RBFOX1: variants seen among roughly 807,000 people sequenced by gnomAD.
RBFOX1 encodes the protein RNA binding fox-1 homolog 1.
A neutral mutation model predicts 57.7 loss-of-function variants in RBFOX1; 8 were observed. The ratio of observed to expected loss-of-function variants is 0.14; its 90% CI spans 0.08 to 0.25. The LOEUF (loss-of-function observed/expected upper bound fraction) is 0.25, where lower values mean the gene tolerates loss of function less well. Ranked by LOEUF, RBFOX1 falls within the 10% of genes least tolerant of loss-of-function variation. The pLI, the probability that RBFOX1 is intolerant of heterozygous loss-of-function variation, is 1.00. For missense variants in RBFOX1, 611 were observed against 548.5 expected, an observed-to-expected ratio of 1.11 and a Z score of -1.14; for synonymous variants, 326 against 222.4, an observed-to-expected ratio of 1.47 and a Z score of -4.15.
At position 6,480,489 on chromosome 16, in the gene RBFOX1, C is replaced by T. The variant is rs148633636; in HGVS notation, c.-64+163432C>T. 2.3e-3 allele frequency among the ~76,000 whole-genome samples: 353 copies of T among 152,220 alleles called. 1 individual carries two copies. Among genetic ancestry groups the T allele is most frequent in the African/African-American group, 7.3e-3 (304 of 41,536 alleles). ...AATTTCCTACATTTTTTACACATCA[C>T]GAAATATTATTCTTCTTTTGACTTT... On this transcript the variant is annotated intron_variant, in intron 2 of 15. Coordinates refer to ENST00000550418, the MANE Select transcript of RBFOX1 (RefSeq NM_018723.4).
At chr16:7,361,129 C>A (rs528742208) in intron 4 of RBFOX1, among the ~76,000 whole-genome samples, 2 of 152,274 alleles carry the variant, frequency 1.3e-5, no homozygotes, top group Admixed American at 1.3e-4. Context: ...AAAGTGGACA[C>A]CTTCCTCCAC....
In RBFOX1 at chr16:7,605,788, C is replaced by T. The variant is rs73488684; in HGVS notation, c.623-1497C>T. The stretch of plus-strand genomic sequence containing the variant: ...AGGACCTTTGGTATTTGGCCTTCTG[C>T]TCAAGGACTCAGAGCAAAGGACTAC... On this transcript the variant is annotated intron_variant, in intron 9 of 15. Coordinates refer to ENST00000550418, the MANE Select transcript of RBFOX1 (RefSeq NM_018723.4). 5.7e-3 allele frequency among the ~76,000 whole-genome samples: 870 copies of T among 152,250 alleles called. 9 individuals carry two copies. The highest frequency in any genetic ancestry group is 0.02 in the African/African-American group (816 of 41,524).
At chr16:5,593,406 G>A (rs113253783) in intron 2 of RBFOX1, among the ~76,000 whole-genome samples, 1,878 of 152,136 alleles carry the variant, frequency 0.012, 18 homozygotes, top group African/African-American at 0.03. Flanking sequence ...TGGGTTGATG[G>A]GTGCAGCAAA....
chr16:5,387,091 A>G (rs1322298802), intron 1 of RBFOX1, among the ~76,000 whole-genome samples: 2 of 152,188 alleles, frequency 1.3e-5, no homozygotes, highest in Non-Finnish European at 2.9e-5. Flanking sequence ...TTGCATTACT[A>G]CTTGTATTAC....
intron 14 of RBFOX1, among the ~76,000 whole-genome samples, chr16:7,683,376 T>C (rs967784986): frequency 3.3e-5 from 5 of 151,546 alleles, no homozygotes; most frequent in African/African-American, 1.2e-4. Context: ...TGTTCAACTT[T>C]CTCTCTCAAG....
chr16:6,366,288 T>C (rs951382257), intron 2 of RBFOX1, among the ~76,000 whole-genome samples: 3 of 152,194 alleles, frequency 2.0e-5, no homozygotes, highest in Non-Finnish European at 4.4e-5. Context: ...TTTTGACAGA[T>C]GTTCTAAACT....
At position 7,535,999 on chromosome 16, in the gene RBFOX1, A is replaced by G. The variant is rs957973042; in HGVS notation, c.270+17610A>G. 1.4e-4 allele frequency among the ~76,000 whole-genome samples: 21 copies of G among 152,354 alleles called. No homozygotes were observed. In the East Asian group the frequency reaches 3.1e-3, roughly 22 times the overall value. On this transcript the variant is annotated intron_variant, in intron 5 of 15. Transcript: ENST00000550418. ...TAAGACAGACATAGCTTCTCCTTCA[A>G]GGAATGTACAGTCTACCGTAACACA...
At chr16:6,771,834 G>T (rs1227993596) in intron 3 of RBFOX1, among the ~76,000 whole-genome samples, 1 of 152,136 alleles carries the variant, frequency 6.6e-6, no homozygotes, top group East Asian at 1.9e-4. Flanking sequence ...GAGAGTTCCT[G>T]ATGGGGCAGA....
chr16:6,643,875 C>G (rs1717927954), intron 2 of RBFOX1, among the ~76,000 whole-genome samples: 1 of 152,076 alleles, frequency 6.6e-6, no homozygotes, highest in Non-Finnish European at 1.5e-5. Context: ...CCTGTAATCC[C>G]AGCACTTTCG....
chr16:7,542,161 A>T (rs926709550), intron 5 of RBFOX1, among the ~76,000 whole-genome samples: 1 of 152,154 alleles, frequency 6.6e-6, no homozygotes, highest in Admixed American at 6.5e-5. Context: ...TTCTGAACGG[A>T]CTATTACTCC....
intron 4 of RBFOX1, among the ~76,000 whole-genome samples, chr16:5,874,937 C>T (rs1405706632): frequency 1.3e-5 from 2 of 152,046 alleles, no homozygotes; most frequent in South Asian, 2.1e-4. Context: ...CAGAGCAAGA[C>T]CCCGTCCCCC....
At chr16:5,262,728 A>G (rs2062765921) in intron 1 of RBFOX1, among the ~76,000 whole-genome samples, 1 of 152,252 alleles carries the variant, frequency 6.6e-6, no homozygotes, top group Non-Finnish European at 1.5e-5. Context: ...GCATGGAGGC[A>G]GAAAAGTGCA....
At chr16:6,838,442 G>T (rs1262689844) in intron 3 of RBFOX1, among the ~76,000 whole-genome samples, 1 of 152,044 alleles carries the variant, frequency 6.6e-6, no homozygotes, top group Non-Finnish European at 1.5e-5. Flanking sequence ...TGGGCATTTG[G>T]GTTGACTAGC....
At chr16:5,252,431 A>G (rs1248067771) in intron 1 of RBFOX1, among the ~76,000 whole-genome samples, 1 of 152,054 alleles carries the variant, frequency 6.6e-6, no homozygotes, top group African/African-American at 2.4e-5. Flanking sequence ...CTGTCTTTTC[A>G]CTTGCTACGT....
chr16:5,615,433 C>T (rs910914503), intron 3 of RBFOX1, among the ~76,000 whole-genome samples: 1 of 152,190 alleles, frequency 6.6e-6, no homozygotes, highest in South Asian at 2.1e-4. Context: ...CTGCTCAAGT[C>T]TACTTGCTCT....
intron 1 of RBFOX1, among the ~76,000 whole-genome samples, chr16:6,075,783 T>G (rs2095890567): frequency 6.6e-6 from 1 of 152,224 alleles, no homozygotes; most frequent in Admixed American, 6.5e-5. Context: ...CTCCATGTCG[T>G]GGACAAAAAT....
intron 9 of RBFOX1, among the ~76,000 whole-genome samples, chr16:7,604,593 G>A (rs1406612888): frequency 6.6e-6 from 1 of 152,074 alleles, no homozygotes; most frequent in Non-Finnish European, 1.5e-5. Context: ...GATTATAGGG[G>A]GATAGACAGA....
chr16:6,892,893 C>T (rs1271657782), intron 3 of RBFOX1, among the ~76,000 whole-genome samples: 1 of 151,200 alleles, frequency 6.6e-6, no homozygotes, highest in Non-Finnish European at 1.5e-5. Flanking sequence ...CATTTCTCAC[C>T]ACTCACTCTC....
chr16:6,171,583 T>C (rs1022169723), intron 1 of RBFOX1, among the ~76,000 whole-genome samples: 3 of 152,100 alleles, frequency 2.0e-5, no homozygotes, highest in African/African-American at 7.2e-5. Flanking sequence ...CATGAACATA[T>C]GATATAATGC....
Sources: gnomAD v4.1 joint callset for allele counts (sites outside exome capture counted in the v4.1 genomes callset) on GRCh38, gnomAD v4.1.1 for gene constraint, MANE v1.5 for transcripts, NCBI Gene and HGNC (gene_info 2026-07-23, HGNC 2026-07-21) for gene names.